Variants in ST18 observed in about 807,000 individuals in gnomAD.
The protein encoded by ST18 is ST18 C2H2C-type zinc finger transcription factor, also known as suppression of tumorigenicity 18 protein.
A neutral mutation model predicts 110.0 loss-of-function variants in ST18; 50 were observed. The ratio of observed to expected loss-of-function variants is 0.45; its 90% CI spans 0.36 to 0.58. ST18 has a LOEUF of 0.58. Ranked by LOEUF, ST18 falls within the 20% of genes least tolerant of loss-of-function variation. ST18 has a pLI of 0.00. For synonymous variants in ST18, 461 were observed against 452.4 expected (o/e 1.02, Z -0.24); for missense variants, 1,306 against 1,280.1 (o/e 1.02, Z -0.31).
At chr8:52,340,767 T>C (rs1814583551) in intron 2 of ST18, among the ~76,000 whole-genome samples, 1 of 152,198 alleles carries the variant, frequency 6.6e-6, no homozygotes, top group Non-Finnish European at 1.5e-5. Context: ...CTGTTTGTTC[T>C]CCACCTACTT....
intron 2 of ST18, chr8:52,406,911 G>A (rs1364441649): frequency 6.6e-6 from 1 of 152,184 alleles, no homozygotes; most frequent in African/African-American, 2.4e-5. Context: ...ATCCAAGAAA[G>A]CTAATGGCAT....
intron 25 of ST18, among the ~76,000 whole-genome samples, chr8:52,115,657 A>T (rs146383741): frequency 5.8e-4 from 89 of 152,326 alleles, no homozygotes; most frequent in South Asian, 1.0e-3. Flanking sequence ...TCACTGTATG[A>T]TGTTCACACA....
intron 22 of ST18, among the ~76,000 whole-genome samples, chr8:52,127,790 G>T (rs529508149): frequency 6.1e-5 from 9 of 148,334 alleles, no homozygotes; most frequent in African/African-American, 2.3e-4. Context: ...ATATCTTCCA[G>T]GATGTAAAAT....
rs1343418485 is a variant in ST18, at chr8:52,172,055, C to T, written c.806G>A (p.Gly269Asp). Residue 269 changes from glycine (G) to aspartate (D), a missense_variant, in exon 10 of 26, where the codon GGC becomes GAC. Transcript: ENST00000689386. ...PQNALAEPLD[G>D]NAQPSFPDVE... ...GTCAGGGAATGAGGGCTGGGCATTG[C>T]CATCCAGGGGTTCTGCGAGAGCATT... is the stretch of plus-strand genomic sequence containing the variant. 2 of 1,614,208 alleles carry T rather than the reference C, an allele frequency of 1.2e-6. No homozygotes were observed. The highest frequency in any genetic ancestry group is 1.1e-5 in the South Asian group (1 of 91,082).
intron 2 of ST18, among the ~76,000 whole-genome samples, chr8:52,239,607 A>C (rs1490700282): frequency 6.6e-6 from 1 of 151,222 alleles, no homozygotes; most frequent in Non-Finnish European, 1.5e-5. Context: ...AAAGAAAAAT[A>C]CCAAAAAAAC....
chr8:52,279,559 T>A (rs1355689124), intron 2 of ST18, among the ~76,000 whole-genome samples: 1 of 152,114 alleles, frequency 6.6e-6, no homozygotes, highest in Non-Finnish European at 1.5e-5. Context: ...CTACCCAGAA[T>A]AAATTTTAAA....
intron 2 of ST18, among the ~76,000 whole-genome samples, chr8:52,392,829 C>A (rs1216145381): frequency 1.3e-5 from 2 of 152,202 alleles, no homozygotes; most frequent in Non-Finnish European, 2.9e-5. Flanking sequence ...GGCGACCAAT[C>A]AAAGGCTGAA....
chr8:52,409,343 G>T lies in ST18; in HGVS notation c.-480C>A, dbSNP rs928426959. Reference sequence around the variant, plus strand: ...TTTTTCTTACCTTTACCTGGCGAACGTCTACAGGTGTGTCGAAAGTTATCT... The same window carrying T: ...TTTTTCTTACCTTTACCTGGCGAACTTCTACAGGTGTGTCGAAAGTTATCT... On this transcript the variant is annotated 5_prime_UTR_variant, in exon 2 of 26. Coordinates refer to ENST00000689386, the MANE Select transcript of ST18 (RefSeq NM_001352837.2). The T allele has an allele frequency of 1.3e-5, 2 of 152,194 alleles. No homozygotes were observed. The highest frequency in any genetic ancestry group is 3.8e-4 in the East Asian group (2 of 5,198). The allele number at this position is 152,194 out of a possible 1,614,324, so 9.4% of individuals were successfully genotyped here.
chr8:52,255,847 G>A lies in ST18; in HGVS notation c.-464-25770C>T, dbSNP rs143087496. On this transcript the variant is annotated intron_variant, in intron 2 of 25. Coordinates refer to ENST00000689386, the MANE Select transcript of ST18 (RefSeq NM_001352837.2). ...TCAAGGCTCTCTACAGACGAGGAAC[G>A]TGAGAGAAAAGATCTCAGTCTTCTC... Among the ~76,000 whole-genome samples the A allele has an allele frequency of 7.8e-3, 1,183 of 152,330 alleles. 10 individuals carry two copies. The highest frequency in any genetic ancestry group is 0.011 in the Non-Finnish European group (750 of 68,026).
At chr8:52,308,764 C>A (rs1365945774) in intron 2 of ST18, among the ~76,000 whole-genome samples, 1 of 152,222 alleles carries the variant, frequency 6.6e-6, no homozygotes, top group Non-Finnish European at 1.5e-5. Context: ...CCACAGGGAA[C>A]AACTGGGGAG....
intron 2 of ST18, among the ~76,000 whole-genome samples, chr8:52,394,045 C>A (rs1354077619): frequency 6.6e-6 from 1 of 152,174 alleles, no homozygotes; most frequent in Non-Finnish European, 1.5e-5. Flanking sequence ...TAATTCTCAT[C>A]ATATCTTCAT....
intron 9 of ST18, among the ~76,000 whole-genome samples, chr8:52,179,571 T>A (rs1334623904): frequency 6.6e-6 from 1 of 152,148 alleles, no homozygotes; most frequent in East Asian, 1.9e-4. Context: ...ATATTAAAAA[T>A]ATTAAGGCCA....
chr8:52,328,561 C>T (rs776271586), intron 2 of ST18, among the ~76,000 whole-genome samples: 16 of 152,266 alleles, frequency 1.1e-4, no homozygotes, highest in Non-Finnish European at 2.1e-4. Flanking sequence ...CTCTTAAAGA[C>T]ATTTTAATGA....
chr8:52,119,267 A>G (rs1347310693), intron 23 of ST18, among the ~76,000 whole-genome samples: 1 of 152,214 alleles, frequency 6.6e-6, no homozygotes, highest in African/African-American at 2.4e-5. Context: ...TCCCATGATT[A>G]CTTTGTAGAA....
At chr8:52,366,218 G>A (rs1190190389) in intron 2 of ST18, among the ~76,000 whole-genome samples, 1 of 152,022 alleles carries the variant, frequency 6.6e-6, no homozygotes, top group Non-Finnish European at 1.5e-5. Flanking sequence ...TGTTCCCACT[G>A]CCCCTACTTC....
chr8:52,330,028 TGCTAGA>T (rs1808453747), intron 2 of ST18, among the ~76,000 whole-genome samples: 1 of 152,156 alleles, frequency 6.6e-6, no homozygotes. Flanking sequence ...TGACTGAGTG[TGCTAGA>T]GCCCAGAATA....
intron 10 of ST18, among the ~76,000 whole-genome samples, chr8:52,170,233 C>T (rs1000624058): frequency 1.4e-4 from 21 of 152,040 alleles, no homozygotes; most frequent in African/African-American, 4.1e-4. Context: ...TTTGGGAGGC[C>T]GAGGCGGATG....
chr8:52,319,627 G>A (rs901973379), intron 2 of ST18, among the ~76,000 whole-genome samples: 2 of 152,090 alleles, frequency 1.3e-5, no homozygotes, highest in African/African-American at 4.8e-5. Context: ...TACCCCACAA[G>A]TTTAGTATTA....
At chr8:52,204,447 G>A (rs970240906) in intron 8 of ST18, among the ~76,000 whole-genome samples, 1 of 152,156 alleles carries the variant, frequency 6.6e-6, no homozygotes, top group Non-Finnish European at 1.5e-5. Flanking sequence ...TGCGTTTCTA[G>A]TAAGCCCCCA....
Sources: gnomAD v4.1 joint callset for allele counts (sites outside exome capture counted in the v4.1 genomes callset) on GRCh38, gnomAD v4.1.1 for gene constraint, MANE v1.5 for transcripts, NCBI Gene and HGNC (gene_info 2026-07-23, HGNC 2026-07-21) for gene names.